Variants in MTCL1 observed in about 807,000 individuals in gnomAD.
The protein encoded by MTCL1 is microtubule crosslinking factor 1.
Under a neutral mutation model 141.4 loss-of-function variants are expected in MTCL1, and 79 were observed. The ratio of observed to expected loss-of-function variants is 0.56; its 90% CI spans 0.47 to 0.67. The LOEUF (loss-of-function observed/expected upper bound fraction) is 0.67. Ranked by LOEUF, MTCL1 falls within the 30% of genes least tolerant of loss-of-function variation. MTCL1 has a pLI of 0.00. For missense variants in MTCL1, 2,177 were observed against 2,113.9 expected (o/e 1.03, Z -0.59); for synonymous variants, 914 against 875.8 (o/e 1.04, Z -0.77).
chr18:8,814,692 C>T (rs542639039), intron 12 of MTCL1, among the ~76,000 whole-genome samples: 3 of 152,292 alleles, frequency 2.0e-5, no homozygotes, highest in South Asian at 2.1e-4. Flanking sequence ...TTGGCCCGTG[C>T]TCTAGGGCCA....
chr18:8,784,734 C>A (rs557587831), exon 6 of MTCL1: 7 of 1,614,138 alleles, frequency 4.3e-6, no homozygotes, highest in Non-Finnish European at 5.9e-6. Flanking sequence ...GATGGCCTAT[C>A]CCCCTTGCCC....
intron 4 of MTCL1, among the ~76,000 whole-genome samples, chr18:8,768,911 C>T (rs1455010103): frequency 6.6e-6 from 1 of 151,508 alleles, no homozygotes; most frequent in African/African-American, 2.4e-5. Context: ...CCTGCCTCAG[C>T]CTGCCGAGTA....
intron 4 of MTCL1, among the ~76,000 whole-genome samples, chr18:8,746,692 A>C (rs922083751): frequency 9.9e-5 from 15 of 152,022 alleles, no homozygotes; most frequent in African/African-American, 3.6e-4. Context: ...ACTGCTCCCC[A>C]TCTCCTGCCC....
At chr18:8,793,214 G>T (rs942145717) in intron 8 of MTCL1, 94 bp downstream of exon 7, 26 of 1,544,574 alleles carry the variant, frequency 1.7e-5, no homozygotes, top group South Asian at 1.1e-4. Context: ...AAGGCTGTCT[G>T]TTGCGTACAG....
rs541482345 is a variant in MTCL1, at chr18:8,810,753, C to G, written c.2605-2226C>G. 3.0e-4 allele frequency among the ~76,000 whole-genome samples: 46 copies of G among 152,264 alleles called. No homozygotes were observed. Among genetic ancestry groups the G allele is most frequent in the African/African-American group, 1.1e-3 (46 of 41,552 alleles). ...TTCTCCCCTCTTTTGTTTCTGCATT[C>G]TTTCTACTTAGAAAAAGTTTTATTT... is the stretch of plus-strand genomic sequence containing the variant. On this transcript the variant is annotated intron_variant, in intron 11 of 16. Coordinates refer to ENST00000359865, the Ensembl canonical transcript of MTCL1. This position sits in a 1 kb window ranked among gnomAD's most constrained non-coding sequence, Gnocchi z 5.0.
At chr18:8,782,916 T>C (rs1383808849) in intron 5 of MTCL1, among the ~76,000 whole-genome samples, 1 of 152,182 alleles carries the variant, frequency 6.6e-6, no homozygotes, top group East Asian at 1.9e-4. Context: ...GAGACCGGGA[T>C]GGGGAGAAGC....
intron 11 of MTCL1, chr18:8,811,308 A>G (rs2076475271): frequency 6.6e-6 from 1 of 152,234 alleles, no homozygotes; most frequent in African/African-American, 2.4e-5. Flanking sequence ...AAGAAATAAT[A>G]GAGGGAGAGG....
At chr18:8,713,177 G>A (rs963306300), upstream of MTCL1, among the ~76,000 whole-genome samples, 5 of 152,034 alleles carry the variant, frequency 3.3e-5, no homozygotes, top group Admixed American at 1.3e-4. Context: ...CAGGCAAAGG[G>A]GAATAGTCGA....
At position 8,710,859 on chromosome 18, in the gene MTCL1, ATC is replaced by A. The variant is rs1393235519; in HGVS notation, c.1053+4148_1053+4149del. On this transcript the variant is annotated intron_variant, in intron 1 of 13. Coordinates refer to the MTCL1 transcript ENST00000306329. ...TTTCTTTTTTTTTTTTTTTTTTTTAATCTGTTTTCTTTTTTCTTTTTTTTTTT... is the reference window on the plus strand; with the variant it reads ...TTTCTTTTTTTTTTTTTTTTTTTTAATGTTTTCTTTTTTCTTTTTTTTTTT... Among the ~76,000 whole-genome samples, 670 of 76,806 alleles carry A rather than the reference ATC, an allele frequency of 8.7e-3. 8 individuals are homozygous for A. The highest frequency in any genetic ancestry group is 0.031 in the African/African-American group (619 of 20,102). The allele number at this position is 76,806 out of a possible 152,430, so 50.4% of individuals were successfully genotyped here.
chr18:8,825,373 C>T (rs144118759), exon 15 of MTCL1: 3 of 1,537,618 alleles, frequency 2.0e-6, no homozygotes, highest in East Asian at 2.3e-5. Flanking sequence ...AAGGAGGTGG[C>T]CTTCTCTGTC....
intron 12 of MTCL1, among the ~76,000 whole-genome samples, chr18:8,814,302 C>T (rs2076581369): frequency 6.6e-6 from 1 of 152,136 alleles, no homozygotes; most frequent in Non-Finnish European, 1.5e-5. Flanking sequence ...CTATGATCCC[C>T]ACTGCATTCC....
At chr18:8,784,197 T>C in exon 6 of MTCL1, 1 of 1,613,750 alleles carries the variant, frequency 6.2e-7, no homozygotes. Flanking sequence ...AACCACGCGC[T>C]GCTGTCCAAC....
At chr18:8,824,738 A>G (rs764262133) in exon 15 of MTCL1, 1 of 1,613,924 alleles carries the variant, frequency 6.2e-7, no homozygotes, top group South Asian at 1.1e-5. Context: ...TCCAGCGTCT[A>G]ATGGACATCT....
chr18:8,752,371 A>G (rs916304925), intron 4 of MTCL1, among the ~76,000 whole-genome samples: 2 of 152,234 alleles, frequency 1.3e-5, no homozygotes, highest in African/African-American at 4.8e-5. Context: ...TACTAGTTGA[A>G]TAGGAACTGA....
intron 4 of MTCL1, among the ~76,000 whole-genome samples, chr18:8,729,673 A>AAT (rs3051533): frequency 3.0e-4 from 40 of 131,534 alleles, no homozygotes; most frequent in Non-Finnish European, 4.8e-4. Flanking sequence ...CAAGAAGACA[A>AAT]ATATATATAT....
Position 8,705,758 on chromosome 18 carries a change from C to G in MTCL1, c.98C>G (p.Ala33Gly). 1 of 1,202,674 alleles carries G rather than the reference C, an allele frequency of 8.3e-7. No individual in the cohort carries two copies. The highest frequency in any genetic ancestry group is 4.1e-5 in the South Asian group (1 of 24,148). 74.5% of individuals were successfully genotyped at this position (1,202,674 alleles called of 1,614,324 possible). A position where few individuals can be genotyped will look rare whatever the true frequency, so the allele number is the denominator to read the frequency against. The change falls in exon 1 of 14, where the codon GCC (alanine) becomes GGC (glycine). Residue 33 changes from alanine (A) to glycine (G), a missense_variant. By Grantham distance (60) the Ala-to-Gly change is moderately conservative. Transcript: ENST00000306329. This position sits in a 1 kb window ranked among gnomAD's most constrained non-coding sequence, Gnocchi z 5.2. ...CGCCACCACCACCTCCACCCGGTGGCCGAAAGGCGGCGGCTGCACCGTGCG... is the reference window on the plus strand; with the variant it reads ...CGCCACCACCACCTCCACCCGGTGGGCGAAAGGCGGCGGCTGCACCGTGCG...
intron 4 of MTCL1, among the ~76,000 whole-genome samples, chr18:8,772,196 C>G (rs900139300): frequency 2.6e-5 from 4 of 152,206 alleles, no homozygotes; most frequent in African/African-American, 4.8e-5. Context: ...GATACCTGGC[C>G]AGTTTCCCCA....
intron 12 of MTCL1, among the ~76,000 whole-genome samples, chr18:8,817,361 C>T (rs1341554775): frequency 6.9e-5 from 10 of 144,850 alleles, no homozygotes; most frequent in African/African-American, 2.6e-4. Flanking sequence ...AGGGGCAAAG[C>T]TAAAACGTAG....
intron 4 of MTCL1, among the ~76,000 whole-genome samples, chr18:8,758,179 A>G (rs983932740): frequency 2.6e-5 from 4 of 151,994 alleles, no homozygotes; most frequent in African/African-American, 9.7e-5. Context: ...ATGCACCACC[A>G]TGCCTGGCTA....
Sources: allele counts gnomAD v4.1 joint callset (sites outside exome capture counted in the v4.1 genomes callset), GRCh38; gene constraint gnomAD v4.1.1; non-coding constraint Gnocchi (gnomAD v3.1); transcripts MANE v1.5; gene names NCBI Gene and HGNC (gene_info 2026-07-23, HGNC 2026-07-21).